Variants in TRIM35 observed in about 807,000 individuals in gnomAD.
TRIM35 encodes the protein E3 ubiquitin-protein ligase TRIM35.
A neutral mutation model predicts 49.1 loss-of-function variants in TRIM35; 37 were observed. The ratio of observed to expected loss-of-function variants is 0.75; its 90% CI spans 0.58 to 0.99. TRIM35 has a LOEUF of 0.99. TRIM35 is among the 50% of genes least tolerant of loss of function. The pLI is 0.00. For synonymous variants in TRIM35, 302 were observed against 289.3 expected (o/e 1.04, Z -0.45); for missense variants, 648 against 702.7 (o/e 0.92, Z 0.88).
chr8:27,291,914 C>T (rs1441387032), intron 3 of TRIM35, among the ~76,000 whole-genome samples: 2 of 152,204 alleles, frequency 1.3e-5, no homozygotes, highest in African/African-American at 4.8e-5. Context: ...AACTAACCCA[C>T]TCTGCCAGTA....
At chr8:27,304,123 A>C (rs929327194) in intron 1 of TRIM35, among the ~76,000 whole-genome samples, 1 of 152,230 alleles carries the variant, frequency 6.6e-6, no homozygotes, top group African/African-American at 2.4e-5. Flanking sequence ...ACAAATTTCA[A>C]TTGCATATTG....
At chr8:27,295,912 T>C (rs1429029090) in intron 2 of TRIM35, among the ~76,000 whole-genome samples, 6 of 152,200 alleles carry the variant, frequency 3.9e-5, no homozygotes, top group Non-Finnish European at 5.9e-5. Flanking sequence ...ATGGCTATTA[T>C]TATTAATGTA....
intron 3 of TRIM35, among the ~76,000 whole-genome samples, chr8:27,293,778 C>A (rs927999999): frequency 5.3e-5 from 8 of 152,026 alleles, no homozygotes; most frequent in African/African-American, 1.9e-4. Flanking sequence ...CACTTGAGCC[C>A]ATGAGTTTGA....
Position 27,286,251 on chromosome 8 carries a change from A to G in TRIM35, c.*1299T>C, listed in dbSNP as rs1044079458. On this transcript the variant is annotated 3_prime_UTR_variant, in exon 6 of 6. Coordinates refer to ENST00000305364, the MANE Select transcript of TRIM35 (RefSeq NM_171982.5). ...AAAACAAGCCCAGGGAAAAGTCTGCAGGCATGGTGGAGGAAGAAATTAGGG... is the reference window on the plus strand; with the variant it reads ...AAAACAAGCCCAGGGAAAAGTCTGCGGGCATGGTGGAGGAAGAAATTAGGG... 3 of 446,456 alleles carry G rather than the reference A, an allele frequency of 6.7e-6. No individual in the cohort carries two copies. The highest frequency in any genetic ancestry group is 4.8e-5 in the Admixed American group (2 of 41,376). The allele number at this position is 446,456 out of a possible 1,614,324, so 27.7% of individuals were successfully genotyped here.
At chr8:27,304,430 C>T (rs1802741427) in intron 1 of TRIM35, among the ~76,000 whole-genome samples, 1 of 152,222 alleles carries the variant, frequency 6.6e-6, no homozygotes, top group African/African-American at 2.4e-5. Flanking sequence ...AAACTCGGCT[C>T]TAGTACCCCT....
At chr8:27,306,711 T>C (rs763845281) in intron 1 of TRIM35, among the ~76,000 whole-genome samples, 3 of 152,236 alleles carry the variant, frequency 2.0e-5, no homozygotes, top group East Asian at 1.9e-4. Context: ...GAAATACACA[T>C]AGCAGGTAAA....
chr8:27,289,825 G>A (rs555227006), intron 4 of TRIM35, among the ~76,000 whole-genome samples: 100 of 152,290 alleles, frequency 6.6e-4, no homozygotes, highest in African/African-American at 2.3e-3. Context: ...CTCAGAGGGA[G>A]GGGGCTGATC....
chr8:27,287,874 G>GT lies in TRIM35; in HGVS notation c.1157dup (p.His386GlnfsTer50), dbSNP rs763613506. 1 of 1,613,198 alleles carries GT rather than the reference G, an allele frequency of 6.2e-7. No homozygotes were observed. Among genetic ancestry groups the GT allele is most frequent in the South Asian group, 1.1e-5 (1 of 91,070 alleles). On this transcript the variant is annotated frameshift_variant, in exon 6 of 6. Coordinates refer to ENST00000305364, the MANE Select transcript of TRIM35 (RefSeq NM_171982.5). LOFTEE classifies it high-confidence loss of function. This position sits in a 1 kb window ranked among gnomAD's most constrained non-coding sequence, Gnocchi z 6.0. ...CCGAGCGTGTGTCGTGGTAGCAGCT[G>GT]TGTGAGTGGCCCTCAGCGCCCGAGT...
intron 2 of TRIM35, among the ~76,000 whole-genome samples, chr8:27,298,046 G>A (rs1250803012): frequency 2.0e-5 from 3 of 152,184 alleles, no homozygotes; most frequent in African/African-American, 7.2e-5. Flanking sequence ...ATGATGACCT[G>A]GACCAAAAGG....
intron 4 of TRIM35, among the ~76,000 whole-genome samples, chr8:27,289,777 C>T (rs961724290): frequency 1.3e-5 from 2 of 152,162 alleles, no homozygotes; most frequent in Non-Finnish European, 2.9e-5. Flanking sequence ...CCCTGTGAAC[C>T]CAACAACCAT....
rs975031031 is a variant in TRIM35 at position 27,287,399 on chromosome 8, G to C, written c.*151C>G. The C allele has an allele frequency of 1.2e-5, 10 of 852,246 alleles. No individual in the cohort carries two copies. In the Admixed American group the frequency reaches 2.7e-4, roughly 23 times the overall value. The allele number at this position is 852,246 out of a possible 1,614,324, so 52.8% of individuals were successfully genotyped here. A position where few individuals can be genotyped will look rare whatever the true frequency, so the allele number is the denominator to read the frequency against. On this transcript the variant is annotated 3_prime_UTR_variant, in exon 6 of 6. Transcript: ENST00000305364. This position sits in a 1 kb window ranked among gnomAD's most constrained non-coding sequence, Gnocchi z 6.0. ...GGGACCAAACATGGAGAGAGGCACA[G>C]CCTGGAGTCATGGAAAAGGACCAGG...
chr8:27,289,910 G>C (rs563558039), intron 4 of TRIM35, among the ~76,000 whole-genome samples: 2 of 152,014 alleles, frequency 1.3e-5, no homozygotes, highest in Non-Finnish European at 2.9e-5. Flanking sequence ...TTCCCTGCAC[G>C]GCAGGTGGGG....
chr8:27,306,150 G>T (rs1802779705), intron 1 of TRIM35, among the ~76,000 whole-genome samples: 1 of 151,882 alleles, frequency 6.6e-6, no homozygotes, highest in Non-Finnish European at 1.5e-5. Context: ...CTCCTCACAA[G>T]ATGTAACCAT....
chr8:27,297,911 G>C lies in TRIM35; in HGVS notation c.531+553C>G, dbSNP rs191825971. 2.0e-3 allele frequency among the ~76,000 whole-genome samples: 299 copies of C among 152,314 alleles called. 1 individual carries two copies. Among genetic ancestry groups the C allele is most frequent in the Middle Eastern group, 3.4e-3 (1 of 294 alleles). On this transcript the variant is annotated intron_variant, in intron 2 of 5. Coordinates refer to ENST00000305364, the MANE Select transcript of TRIM35 (RefSeq NM_171982.5). ...GTACTGAGGGTGACTGGAAGCCACTGGCAGTTTTAAGCAGAGGAGGGGCAC... is the reference window on the plus strand; with the variant it reads ...GTACTGAGGGTGACTGGAAGCCACTCGCAGTTTTAAGCAGAGGAGGGGCAC...
chr8:27,291,995 G>A (rs1451366773), intron 3 of TRIM35, among the ~76,000 whole-genome samples: 1 of 152,144 alleles, frequency 6.6e-6, no homozygotes, highest in African/African-American at 2.4e-5. Flanking sequence ...ACCCAACACT[G>A]TTGCATTGGG....
Position 27,308,555 on chromosome 8 carries a change from C to G in TRIM35, c.435+2246G>C, listed in dbSNP as rs114944551. ...AGGGAATCTTCCCATACCGCTCCCC[C>G]ACAACCACCTACCTTGAATCACACA... On this transcript the variant is annotated intron_variant, in intron 1 of 5. Transcript: ENST00000305364. Among the ~76,000 whole-genome samples, 379 of 152,276 alleles carry G rather than the reference C, an allele frequency of 2.5e-3. 2 individuals carry two copies. The highest frequency in any genetic ancestry group is 8.7e-3 in the African/African-American group (362 of 41,540).
At chr8:27,291,682 TA>T (rs1802457380) in intron 3 of TRIM35, among the ~76,000 whole-genome samples, 2 of 152,256 alleles carry the variant, frequency 1.3e-5, no homozygotes, top group African/African-American at 4.8e-5. Context: ...TGTGTTGCTG[TA>T]ACAAAATACC....
chr8:27,299,458 C>T (rs1802640224), intron 1 of TRIM35, among the ~76,000 whole-genome samples: 1 of 152,218 alleles, frequency 6.6e-6, no homozygotes, highest in Non-Finnish European at 1.5e-5. Context: ...TTAATCATTA[C>T]TTCTCCCTAG....
intron 1 of TRIM35, among the ~76,000 whole-genome samples, chr8:27,301,747 A>T (rs984136058): frequency 6.6e-6 from 1 of 152,242 alleles, no homozygotes; most frequent in Admixed American, 6.5e-5. Flanking sequence ...CTGAGATCAC[A>T]AAAACAATCG....
Sources: gnomAD v4.1 joint callset for allele counts (sites outside exome capture counted in the v4.1 genomes callset) on GRCh38, gnomAD v4.1.1 for gene constraint, Gnocchi (gnomAD v3.1) non-coding constraint, MANE v1.5 for transcripts, NCBI Gene and HGNC (gene_info 2026-07-23, HGNC 2026-07-21) for gene names.